The following CNNM2 variants were observed in gnomAD, a reference collection of about 807,000 sequenced individuals.
CNNM2 encodes cyclin and CBS domain divalent metal cation transport mediator 2.
CNNM2 carries 12 observed loss-of-function variants against 66.9 expected under a neutral mutation model. That is an observed-to-expected ratio of 0.18 (90% CI 0.11 to 0.29). The LOEUF (loss-of-function observed/expected upper bound fraction) is 0.29. Among genes scored for constraint, CNNM2 ranks in the 10% least tolerant of loss-of-function variants. CNNM2 has a pLI of 1.00. For synonymous variants in CNNM2, 557 were observed against 501.8 expected (o/e 1.11, Z -1.47); for missense variants, 705 against 1,167.7 (o/e 0.60, Z 5.77).
rs1646059072 is a variant in CNNM2, at chr10:103,087,688, A to AG, written c.*10508_*10509insG. The AG allele has an allele frequency of 6.6e-6, 1 of 152,242 alleles. No individual in the cohort carries two copies. The highest frequency in any genetic ancestry group is 1.5e-5 in the Non-Finnish European group (1 of 68,036). 9.4% of individuals were successfully genotyped at this position (152,242 alleles called of 1,614,324 possible). ...CTATGTTAAACTGGACAACATCTCC[A>AG]TCTTGAGTGAGAGTAATTAGTAACT... On this transcript the variant is annotated 3_prime_UTR_variant, in exon 8 of 8. Transcript: ENST00000369878.
intron 1 of CNNM2, among the ~76,000 whole-genome samples, chr10:103,038,975 G>C (rs1011166870): frequency 2.6e-5 from 4 of 151,810 alleles, no homozygotes; most frequent in African/African-American, 9.7e-5. Context: ...AGATCTGGTG[G>C]GGATGGTAAG....
In CNNM2 at chr10:102,918,474, C is replaced by T. The variant is rs200112200; in HGVS notation, c.-7C>T. ...AAGGATGAAGCCGCAGCTGGAGCAGCCACCCTATGATTGGCTGTGGCGCTT... is the reference window on the plus strand; with the variant it reads ...AAGGATGAAGCCGCAGCTGGAGCAGTCACCCTATGATTGGCTGTGGCGCTT... On this transcript the variant is annotated 5_prime_UTR_variant, in exon 1 of 8. Coordinates refer to ENST00000369878, the MANE Select transcript of CNNM2 (RefSeq NM_017649.5). The surrounding 1 kb of genome is among the most constrained non-coding windows in gnomAD (Gnocchi z 4.1). 1 of 1,603,290 alleles carries T rather than the reference C, an allele frequency of 6.2e-7. No homozygotes were observed. Among genetic ancestry groups the T allele is most frequent in the South Asian group, 1.1e-5 (1 of 89,498 alleles).
chr10:102,947,444 G>A (rs1261834168), intron 1 of CNNM2, among the ~76,000 whole-genome samples: 1 of 125,624 alleles, frequency 8.0e-6, no homozygotes, highest in Non-Finnish European at 1.8e-5. Context: ...ATAAAGTGAA[G>A]AAAAATGAAG....
chr10:102,958,218 G>A (rs990882268), intron 1 of CNNM2, among the ~76,000 whole-genome samples: 11 of 152,130 alleles, frequency 7.2e-5, no homozygotes, highest in Non-Finnish European at 1.5e-4. Context: ...TTACAGGTGT[G>A]AGCCACTGCG....
chr10:103,020,797 CAT>C, intron 1 of CNNM2, among the ~76,000 whole-genome samples: 1 of 72,858 alleles, frequency 1.4e-5, no homozygotes, highest in Non-Finnish European at 3.2e-5. Context: ...GCGAAGGGCG[CAT>C]GAGGGTGTAG....
intron 1 of CNNM2, among the ~76,000 whole-genome samples, chr10:102,996,426 C>G (rs745463905): frequency 5.8e-4 from 88 of 152,230 alleles, no homozygotes; most frequent in Non-Finnish European, 1.1e-3. Context: ...TTCTTTGGGC[C>G]AGGTGCAACA....
chr10:102,966,123 A>G (rs2063460071), intron 1 of CNNM2, among the ~76,000 whole-genome samples: 3 of 152,194 alleles, frequency 2.0e-5, no homozygotes. Flanking sequence ...CAGTTGTCAA[A>G]TTTGCTTGTG....
intron 1 of CNNM2, among the ~76,000 whole-genome samples, chr10:103,047,109 AT>A (rs1379805626): frequency 6.6e-6 from 1 of 152,148 alleles, no homozygotes; most frequent in East Asian, 1.9e-4. Flanking sequence ...AGACTTAGTG[AT>A]TTGTTTTCAA....
chr10:102,921,364 C>T lies in CNNM2; in HGVS notation c.1621+1263C>T, dbSNP rs539189552. 3.3e-5 allele frequency among the ~76,000 whole-genome samples: 5 copies of T among 152,280 alleles called. No individual in the cohort carries two copies. In the South Asian group the frequency reaches 8.3e-4, roughly 25 times the overall value. ...AGGTGATATGTACCTGGTGACAGCT[C>T]ACTGGATGTGATGATCTGAACATAC... is the stretch of plus-strand genomic sequence containing the variant. On this transcript the variant is annotated intron_variant, in intron 1 of 7. Coordinates refer to ENST00000369878, the MANE Select transcript of CNNM2 (RefSeq NM_017649.5).
intron 1 of CNNM2, among the ~76,000 whole-genome samples, chr10:102,974,252 A>C (rs1318072161): frequency 6.6e-6 from 1 of 152,248 alleles, no homozygotes; most frequent in East Asian, 1.9e-4. Context: ...AGGGAAAAGC[A>C]CAAAAAACAA....
At chr10:103,048,730 C>G (rs554727368) in intron 1 of CNNM2, among the ~76,000 whole-genome samples, 1 of 152,284 alleles carries the variant, frequency 6.6e-6, no homozygotes, top group South Asian at 2.1e-4. Context: ...AAGAGTCTTT[C>G]CTCAGGACGG....
At chr10:103,053,590 T>A (rs2065250786) in intron 2 of CNNM2, among the ~76,000 whole-genome samples, 1 of 152,224 alleles carries the variant, frequency 6.6e-6, no homozygotes. Context: ...CAAATTGCAG[T>A]GTTCATAAAG....
intron 1 of CNNM2, among the ~76,000 whole-genome samples, chr10:102,953,029 A>G (rs1048502744): frequency 6.6e-6 from 1 of 152,198 alleles, no homozygotes; most frequent in Non-Finnish European, 1.5e-5. Context: ...CATTTGTTGA[A>G]CTACTTAACC....
At chr10:102,966,436 C>T (rs373477803) in intron 1 of CNNM2, among the ~76,000 whole-genome samples, 10 of 152,288 alleles carry the variant, frequency 6.6e-5, no homozygotes, top group African/African-American at 2.4e-4. Flanking sequence ...TGAGGCCAGC[C>T]TGGCCAACAT....
At position 103,064,743 on chromosome 10, in the gene CNNM2, G is replaced by GT. The variant is rs1177309381; in HGVS notation, c.2074-3884dup. Among the ~76,000 whole-genome samples the GT allele has an allele frequency of 2.0e-5, 3 of 152,320 alleles. No homozygotes were observed. In the East Asian group the frequency reaches 5.8e-4, roughly 29 times the overall value. On this transcript the variant is annotated intron_variant, in intron 4 of 7. Transcript: ENST00000369878. ...TAGTGCCAGCTACTCAGGAGGCTGA[G>GT]TTACAAGTGTTGCTTGAGCTCAGGA...
At chr10:102,941,908 T>G (rs970005761) in intron 1 of CNNM2, among the ~76,000 whole-genome samples, 1 of 152,252 alleles carries the variant, frequency 6.6e-6, no homozygotes, top group Non-Finnish European at 1.5e-5. Context: ...AGGTGCTTAA[T>G]AGATATTGTT....
chr10:103,049,954 G>A, intron 2 of CNNM2, 104 bp downstream of exon 2: 1 of 1,122,858 alleles, frequency 8.9e-7, no homozygotes, highest in East Asian at 2.4e-5. Flanking sequence ...TGTTTATAAT[G>A]ACACATGATG....
intron 1 of CNNM2, among the ~76,000 whole-genome samples, chr10:102,989,690 C>T (rs2063862747): frequency 6.6e-6 from 1 of 151,932 alleles, no homozygotes; most frequent in Admixed American, 6.6e-5. Context: ...GTGGTCCCAG[C>T]TACTTGGGAG....
chr10:102,957,175 G>A (rs1348985285), intron 1 of CNNM2, among the ~76,000 whole-genome samples: 1 of 151,978 alleles, frequency 6.6e-6, no homozygotes, highest in East Asian at 1.9e-4. Flanking sequence ...CATGGTGGCA[G>A]GTGCCTGTAA....
Sources: gnomAD v4.1 joint callset for allele counts (sites outside exome capture counted in the v4.1 genomes callset) on GRCh38, gnomAD v4.1.1 for gene constraint, Gnocchi (gnomAD v3.1) non-coding constraint, MANE v1.5 for transcripts, NCBI Gene and HGNC (gene_info 2026-07-23, HGNC 2026-07-21) for gene names.